CNOT1: variants seen among roughly 807,000 people sequenced by gnomAD.
CNOT1 encodes the protein CCR4-NOT transcription complex subunit 1.
Under a neutral mutation model 273.8 loss-of-function variants are expected in CNOT1, and 15 were observed. That is an observed-to-expected ratio of 0.05 (90% CI 0.04 to 0.08). The LOEUF is 0.08. Among genes scored for constraint, CNOT1 ranks in the 10% least tolerant of loss-of-function variants. The pLI, the probability that CNOT1 is intolerant of heterozygous loss-of-function variation, is 1.00. For synonymous variants in CNOT1, 1,022 were observed against 1,005.5 expected, an observed-to-expected ratio of 1.02 and a Z score of -0.31; for missense variants, 1,644 against 2,912.2, an observed-to-expected ratio of 0.56 and a Z score of 10.02.
intron 1 of CNOT1, among the ~76,000 whole-genome samples, chr16:58,628,909 T>A (rs1238184593): frequency 6.6e-6 from 1 of 152,238 alleles, no homozygotes; most frequent in Non-Finnish European, 1.5e-5. Context: ...ATTATTTGTG[T>A]TTGGCCTTAA....
chr16:58,605,802 G>A (rs1400609115), intron 1 of CNOT1, among the ~76,000 whole-genome samples: 2 of 152,104 alleles, frequency 1.3e-5, no homozygotes, highest in Non-Finnish European at 2.9e-5. Context: ...AGGACTACAA[G>A]CGCCCGCTGC....
At chr16:58,603,059 C>T (rs563518224) in intron 1 of CNOT1, among the ~76,000 whole-genome samples, 6 of 152,208 alleles carry the variant, frequency 3.9e-5, no homozygotes, top group African/African-American at 1.4e-4. Context: ...ATTTTGGCTC[C>T]GCCTATAAAA....
Position 58,578,750 on chromosome 16 carries a change from A to T in CNOT1, c.1533T>A (p.Leu511=). ...ELISTLMPIF[L]GNHPNSAIIL... ...TAATAGCTGAGTTAGGATGGTTTCC[A>T]AGGAAAATTGGCATCAGAGTGGAGA... The change falls in exon 13 of 49, where the codon CTT becomes CTA. Residue 511 remains leucine (L), a synonymous_variant. Coordinates refer to ENST00000317147, the MANE Select transcript of CNOT1 (RefSeq NM_016284.5). 1 of 1,614,194 alleles carries T rather than the reference A, an allele frequency of 6.2e-7. No homozygotes were observed. The highest frequency in any genetic ancestry group is 8.5e-7 in the Non-Finnish European group (1 of 1,180,030).
chr16:58,584,555 C>G (rs376378337), intron 8 of CNOT1, among the ~76,000 whole-genome samples: 1 of 152,076 alleles, frequency 6.6e-6, no homozygotes, highest in Non-Finnish European at 1.5e-5. Flanking sequence ...TGGTCTTGAA[C>G]TCCTGACATC....
At position 58,581,501 on chromosome 16, in the gene CNOT1, A is replaced by G; in HGVS notation, c.1059T>C (p.Asn353=). 1 of 1,611,618 alleles carries G rather than the reference A, an allele frequency of 6.2e-7. No individual in the cohort carries two copies. The highest frequency in any genetic ancestry group is 8.5e-7 in the Non-Finnish European group (1 of 1,179,156). The change falls in exon 11 of 49, where the codon AAT becomes AAC. Residue 353 remains asparagine (N), a synonymous_variant. Coordinates refer to ENST00000317147, the MANE Select transcript of CNOT1 (RefSeq NM_016284.5). ...DVLKELNPSL[N]FKEVTYELDH... The stretch of plus-strand genomic sequence containing the variant: ...CCAGTTCATAAGTTACTTCCTTGAA[A>G]TTCAAACTTGGATTCTAAAAAAGAC...
intron 17 of CNOT1, chr16:58,559,972 C>A (rs753807219): frequency 8.7e-7 from 1 of 1,147,312 alleles, no homozygotes; most frequent in Non-Finnish European, 1.3e-6. Flanking sequence ...TAAAAAGAAA[C>A]CCTCTTCATT....
At position 58,586,526 on chromosome 16, in the gene CNOT1, G is replaced by A. The variant is rs567140409; in HGVS notation, c.637+19C>T. ...CATCCAAGAAAACCACCCACTGTAGGCTACAAAGACTCCCTTACCTCTGCG... is the reference window on the plus strand; with the variant it reads ...CATCCAAGAAAACCACCCACTGTAGACTACAAAGACTCCCTTACCTCTGCG... On this transcript the variant is annotated intron_variant, in intron 7 of 48. Transcript: ENST00000317147. The A allele has an allele frequency of 1.2e-6, 2 of 1,605,528 alleles. No individual in the cohort carries two copies. The highest frequency in any genetic ancestry group is 3.4e-5 in the Admixed American group (2 of 59,390).
Position 58,539,480 on chromosome 16 carries a change from C to CACACACACACACACAG in CNOT1, c.4992+287_4992+288insCTGTGTGTGTGTGTGT, listed in dbSNP as rs1555494952. On this transcript the variant is annotated intron_variant, in intron 35 of 48. Transcript: ENST00000317147. Reference sequence around the variant, plus strand: ...ACCCTGTCTCTTACACACACACACACACACACACACACAGACACACACACC... The same window carrying CACACACACACACACAG: ...ACCCTGTCTCTTACACACACACACACACACACACACACACAGACACACACACACAGACACACACACC... Among the ~76,000 whole-genome samples, 233 of 148,656 alleles carry CACACACACACACACAG rather than the reference C, an allele frequency of 1.6e-3. 3 individuals are homozygous for CACACACACACACACAG. The South Asian group carries it at 0.029, about 19-fold the overall frequency.
At chr16:58,576,625 CT>C in intron 13 of CNOT1, 43 bp from the exon 14 acceptor site, 3 of 1,611,872 alleles carry the variant, frequency 1.9e-6, no homozygotes, top group Non-Finnish European at 2.5e-6. Flanking sequence ...CTGCTAAACA[CT>C]GTGATAGATA....
At chr16:58,560,771 T>A (rs2040810416) in intron 16 of CNOT1, among the ~76,000 whole-genome samples, 1 of 152,186 alleles carries the variant, frequency 6.6e-6, no homozygotes, top group Admixed American at 6.5e-5. Flanking sequence ...ATGCCTGTAA[T>A]CCCAGCACTT....
chr16:58,533,054 T>C (rs1384841493), intron 40 of CNOT1: 1 of 152,772 alleles, frequency 6.5e-6, no homozygotes, highest in Admixed American at 6.5e-5. Context: ...ATTCTGTATA[T>C]GGGGCAAATT....
In CNOT1 at chr16:58,580,648, C is replaced by A; in HGVS notation, c.1328G>T (p.Arg443Leu). Residue 443 changes from arginine (R) to leucine (L), a missense_variant, in exon 12 of 49, where the codon CGA becomes CTA. By Grantham distance (102) the Arg-to-Leu change is moderately radical. Coordinates refer to ENST00000317147, the MANE Select transcript of CNOT1 (RefSeq NM_016284.5). The stretch of plus-strand genomic sequence containing the variant: ...AAGTGTTTACCATGTGGCAATTTCT[C>A]GATTGTCATCCTCTGGTGGTGCTTT... ...ILKAPPEDDN[R>L]EIATWKSLDL... 6.2e-7 allele frequency: 1 copy of A among 1,609,836 alleles called. No individual in the cohort carries two copies. Among genetic ancestry groups the A allele is most frequent in the South Asian group, 1.1e-5 (1 of 89,812 alleles).
chr16:58,562,824 A>G (rs927313431), intron 16 of CNOT1, among the ~76,000 whole-genome samples: 9 of 151,856 alleles, frequency 5.9e-5, no homozygotes, highest in African/African-American at 2.2e-4. Context: ...CTCCATCTTA[A>G]ACAACAAAAA....
intron 1 of CNOT1, among the ~76,000 whole-genome samples, chr16:58,608,827 G>C (rs1447296349): frequency 1.3e-5 from 2 of 152,174 alleles, no homozygotes; most frequent in Non-Finnish European, 2.9e-5. Flanking sequence ...ACCTGGATGA[G>C]ACTAGAGACT....
At chr16:58,574,550 C>G in intron 16 of CNOT1, 59 bp downstream of exon 16, 1 of 1,481,556 alleles carries the variant, frequency 6.7e-7, no homozygotes, top group Non-Finnish European at 9.0e-7. Context: ...TTCCGCAAGT[C>G]TACAATTATT....
intron 35 of CNOT1, among the ~76,000 whole-genome samples, chr16:58,539,522 T>C (rs77195952): frequency 0.015 from 1,953 of 132,522 alleles, 45 homozygotes; most frequent in African/African-American, 0.05. Context: ...AAGGGCTACC[T>C]TTTAAAGTTT....
chr16:58,628,672 G>C (rs2043685377), intron 1 of CNOT1, among the ~76,000 whole-genome samples: 1 of 151,276 alleles, frequency 6.6e-6, no homozygotes, highest in Admixed American at 6.6e-5. Context: ...GTTAAGCATT[G>C]TTACTCAGTT....
chr16:58,529,675 A>G (rs2039709609), intron 43 of CNOT1, among the ~76,000 whole-genome samples: 1 of 151,858 alleles, frequency 6.6e-6, no homozygotes, highest in Admixed American at 6.6e-5. Context: ...CCCCATGTAT[A>G]CTAAAAATAC....
At chr16:58,556,428 T>C (rs1156622174) in intron 19 of CNOT1, among the ~76,000 whole-genome samples, 1 of 152,262 alleles carries the variant, frequency 6.6e-6, no homozygotes, top group African/African-American at 2.4e-5. Context: ...CCTATGGATT[T>C]ATAAAGATGA....
Sources: gnomAD v4.1 joint callset for allele counts (sites outside exome capture counted in the v4.1 genomes callset) on GRCh38, gnomAD v4.1.1 for gene constraint, MANE v1.5 for transcripts, NCBI Gene and HGNC (gene_info 2026-07-23, HGNC 2026-07-21) for gene names.